Variants in EIF5A2 observed in about 807,000 individuals in gnomAD.
The protein encoded by EIF5A2 is eukaryotic translation initiation factor 5A2.
A neutral mutation model predicts 16.4 loss-of-function variants in EIF5A2; 15 were observed. The ratio of observed to expected loss-of-function variants is 0.92; its 90% confidence interval spans 0.61 to 1.41. EIF5A2 has a LOEUF of 1.41. Among genes scored for constraint, EIF5A2 ranks in the 40% most tolerant of loss-of-function variants. The pLI is 0.00. For missense variants in EIF5A2, 144 were observed against 189.5 expected, an observed-to-expected ratio of 0.76 and a Z score of 1.41; for synonymous variants, 48 against 61.1, an observed-to-expected ratio of 0.79 and a Z score of 1.00.
Position 170,894,215 on chromosome 3 carries a change from A to G in EIF5A2, c.402+77T>C, listed in dbSNP as rs997164450. The G allele has an allele frequency of 2.0e-5, 29 of 1,457,112 alleles. No homozygotes were observed. The African/African-American group carries it at 3.8e-4, about 19-fold the overall frequency. 90.3% of individuals were successfully genotyped at this position (1,457,112 alleles called of 1,614,324 possible). On this transcript the variant is annotated intron_variant, in intron 4 of 4. Transcript: ENST00000295822. ...TATTTTTAAACCACATTCCATATGT[A>G]GTATTTTATGTTAACTAGTTGAGGT...
rs1191648767 is a variant in EIF5A2 at position 170,894,346 on chromosome 3, T to C, written c.348A>G (p.Glu116=). The change falls in exon 4 of 5, where the codon GAA becomes GAG. Residue 116 remains glutamate, a synonymous_variant. Transcript: ENST00000295822. ...CCTCTATTTCTTTGCCTAGTTCACC[T>C]TCTGGCAGTTTAAGATCCTCACGAA... is the stretch of plus-strand genomic sequence containing the variant. ...GEVREDLKLP[E]GELGKEIEGK... 1.2e-6 allele frequency: 2 copies of C among 1,614,054 alleles called. No homozygotes were observed. The highest frequency in any genetic ancestry group is 1.7e-6 in the Non-Finnish European group (2 of 1,179,960).
In EIF5A2 at chr3:170,904,438, C is replaced by T. The variant is rs572014748; in HGVS notation, c.270+2551G>A. Among the ~76,000 whole-genome samples the T allele has an allele frequency of 1.5e-4, 23 of 152,254 alleles. No individual in the cohort carries two copies. The South Asian group carries it at 2.9e-3, about 19-fold the overall frequency. ...ATAATGAGTAGATATTTAATCAAGGCACTTGGTTAGGTAAGTGAAGACCAC... is the reference window on the plus strand; with the variant it reads ...ATAATGAGTAGATATTTAATCAAGGTACTTGGTTAGGTAAGTGAAGACCAC... On this transcript the variant is annotated intron_variant, in intron 3 of 4. Transcript: ENST00000295822.
intron 1 of EIF5A2, 118 bp from the exon 2 acceptor site, chr3:170,907,959 A>C (rs1576790987): frequency 1.3e-6 from 1 of 750,042 alleles, no homozygotes; most frequent in Non-Finnish European, 2.0e-6. Context: ...TGTAAGGAAC[A>C]CCCACCCTAG....
At chr3:170,907,901 AT>A in intron 1 of EIF5A2, 60 bp from the exon 2 acceptor site, 2 of 1,314,586 alleles carry the variant, frequency 1.5e-6, no homozygotes, top group Non-Finnish European at 2.0e-6. Flanking sequence ...GAAACGTCTC[AT>A]TTCGGACAAG....
intron 3 of EIF5A2, among the ~76,000 whole-genome samples, chr3:170,902,607 C>CTTT (rs1178996738): frequency 9.8e-5 from 10 of 102,226 alleles, no homozygotes; most frequent in Admixed American, 2.0e-4. Flanking sequence ...AGAAGCCTTC[C>CTTT]TTTTTTTTTT....
rs958850927 is a variant in EIF5A2 at position 170,888,450 on chromosome 3, CTGA to C, written c.*4907_*4909del. On this transcript the variant is annotated 3_prime_UTR_variant, in exon 5 of 5. Transcript: ENST00000295822. ...TGTTAACTATTTTTATTTAATACAACTGATGAAGTTAACAGACAAATATATTTT... is the reference window on the plus strand; with the variant it reads ...TGTTAACTATTTTTATTTAATACAACTGAAGTTAACAGACAAATATATTTT... 27 of 152,024 alleles carry C rather than the reference CTGA, an allele frequency of 1.8e-4. No individual in the cohort carries two copies. Among genetic ancestry groups the C allele is most frequent in the African/African-American group, 6.3e-4 (26 of 41,398 alleles). The allele number at this position is 152,024 out of a possible 1,614,324, so 9.4% of individuals were successfully genotyped here. A position where few individuals can be genotyped will look rare whatever the true frequency, so the allele number is the denominator to read the frequency against.
At chr3:170,901,821 C>A (rs913914371) in intron 3 of EIF5A2, among the ~76,000 whole-genome samples, 5 of 152,152 alleles carry the variant, frequency 3.3e-5, no homozygotes, top group Non-Finnish European at 7.3e-5. Context: ...TTAGGTAACA[C>A]CTATTCCTTT....
chr3:170,890,348 G>A lies in EIF5A2; in HGVS notation c.*3012C>T, dbSNP rs1712500211. On this transcript the variant is annotated 3_prime_UTR_variant, in exon 5 of 5. Coordinates refer to ENST00000295822, the MANE Select transcript of EIF5A2 (RefSeq NM_020390.6). ...TTTACAGCCTAATCATTTTATTGCA[G>A]TATCTCCTATTATAGATATCATGCT... 6.6e-6 allele frequency: 1 copy of A among 152,072 alleles called. No individual in the cohort carries two copies. Among genetic ancestry groups the A allele is most frequent in the Non-Finnish European group, 1.5e-5 (1 of 67,960 alleles). 9.4% of individuals were successfully genotyped at this position (152,072 alleles called of 1,614,324 possible).
chr3:170,892,832 GTGGCCACCAAAATAACTGACAGTTTT>G lies in EIF5A2; in HGVS notation c.*502_*527del. On this transcript the variant is annotated 3_prime_UTR_variant, in exon 5 of 5. Transcript: ENST00000295822. ...GACCAAAGTAATCACATGGTTGCAT[GTGGCCACCAAAATAACTGACAGTTTT>G]TGATAACATGATTTTTGTTTAAGGA... 2.5e-6 allele frequency: 1 copy of G among 399,020 alleles called. No homozygotes were observed. The highest frequency in any genetic ancestry group is 4.4e-6 in the Non-Finnish European group (1 of 226,146). 24.7% of individuals were successfully genotyped at this position (399,020 alleles called of 1,614,324 possible).
At chr3:170,896,585 C>T (rs900127073) in intron 3 of EIF5A2, among the ~76,000 whole-genome samples, 2 of 152,152 alleles carry the variant, frequency 1.3e-5, no homozygotes, top group African/African-American at 2.4e-5. Flanking sequence ...GCCTTGCTTC[C>T]CCTTCGCCTT....
rs1038117693 is a variant in EIF5A2 at position 170,889,282 on chromosome 3, T to C, written c.*4078A>G. On this transcript the variant is annotated 3_prime_UTR_variant, in exon 5 of 5. Transcript: ENST00000295822. ...AGTTGGTGTTCAGATGTTTGTTTAATGGAAAAACATTAAATTACATATTGG... is the reference window on the plus strand; with the variant it reads ...AGTTGGTGTTCAGATGTTTGTTTAACGGAAAAACATTAAATTACATATTGG... 31 of 152,456 alleles carry C rather than the reference T, an allele frequency of 2.0e-4. No individual in the cohort carries two copies. Among genetic ancestry groups the C allele is most frequent in the African/African-American group, 7.5e-4 (31 of 41,442 alleles). The allele number at this position is 152,456 out of a possible 1,614,324, so 9.4% of individuals were successfully genotyped here.
intron 1 of EIF5A2, 131 bp from the exon 2 acceptor site, chr3:170,907,972 T>A (rs1712983579): frequency 1.7e-6 from 1 of 591,650 alleles, no homozygotes; most frequent in Non-Finnish European, 2.6e-6. Context: ...CACCCTAGAC[T>A]AGTGGCCACT....
intron 3 of EIF5A2, among the ~76,000 whole-genome samples, chr3:170,898,734 A>G (rs1712734235): frequency 1.3e-5 from 2 of 152,190 alleles, no homozygotes; most frequent in South Asian, 4.1e-4. Context: ...AGTTCTATAG[A>G]AAAGTTGCAA....
chr3:170,898,400 T>C (rs1429170939), intron 3 of EIF5A2, among the ~76,000 whole-genome samples: 2 of 152,192 alleles, frequency 1.3e-5, no homozygotes, highest in African/African-American at 4.8e-5. Flanking sequence ...AGGAACCTGG[T>C]AGGAGGTGAT....
In EIF5A2 at chr3:170,907,814, AG is replaced by A; in HGVS notation, c.-9del. ...ATCAATTTCGTCTGCCATGGTGGGC[AG>A]GGGAGATGGTAGTTTTTCCGTGGGA... On this transcript the variant is annotated 5_prime_UTR_variant, in exon 2 of 5. Transcript: ENST00000295822. The A allele has an allele frequency of 1.3e-6, 2 of 1,526,420 alleles. No homozygotes were observed. Among genetic ancestry groups the A allele is most frequent in the Non-Finnish European group, 1.8e-6 (2 of 1,122,902 alleles). 94.6% of individuals were successfully genotyped at this position (1,526,420 alleles called of 1,614,324 possible). A position where few individuals can be genotyped will look rare whatever the true frequency, so the allele number is the denominator to read the frequency against.
chr3:170,904,510 T>G (rs191088787), intron 3 of EIF5A2, among the ~76,000 whole-genome samples: 1 of 152,274 alleles, frequency 6.6e-6, no homozygotes, highest in African/African-American at 2.4e-5. Flanking sequence ...ACTTTTGTTT[T>G]TGAGACAGGG....
intron 3 of EIF5A2, among the ~76,000 whole-genome samples, chr3:170,900,221 A>G (rs771538103): frequency 7.9e-5 from 12 of 151,884 alleles, no homozygotes; most frequent in Non-Finnish European, 1.5e-4. Context: ...AAATACAAAA[A>G]TTAGCCAGAT....
chr3:170,907,869 T>C lies in EIF5A2; in HGVS notation c.-35-28A>G, dbSNP rs370981563. ...ACACAAAAAGTTTGTGTTTGCTTTT[T>C]AACAACGGGTATGTAGGCAGGGAAA... is the stretch of plus-strand genomic sequence containing the variant. On this transcript the variant is annotated intron_variant, in intron 1 of 4. Transcript: ENST00000295822. The C allele has an allele frequency of 4.8e-6, 7 of 1,454,624 alleles. No homozygotes were observed. The East Asian group carries it at 7.1e-5, about 15-fold the overall frequency. 90.1% of individuals were successfully genotyped at this position (1,454,624 alleles called of 1,614,324 possible).
At chr3:170,903,733 C>T (rs1712866473) in intron 3 of EIF5A2, among the ~76,000 whole-genome samples, 1 of 152,106 alleles carries the variant, frequency 6.6e-6, no homozygotes, top group Non-Finnish European at 1.5e-5. Flanking sequence ...TAATATACTA[C>T]TTATTTGAAT....
Sources: gnomAD v4.1 joint callset for allele counts (sites outside exome capture counted in the v4.1 genomes callset) on GRCh38, gnomAD v4.1.1 for gene constraint, MANE v1.5 for transcripts, NCBI Gene and HGNC (gene_info 2026-07-23, HGNC 2026-07-21) for gene names.